The following TJP1 variants were observed in gnomAD, a reference collection of about 807,000 sequenced individuals.
TJP1 encodes tight junction protein 1, also known as tight junction protein ZO-1.
Under a neutral mutation model 194.2 loss-of-function variants are expected in TJP1, and 43 were observed. That is an observed-to-expected ratio of 0.22 (90% CI 0.17 to 0.29). The LOEUF is 0.29. Ranked by LOEUF, TJP1 falls within the 10% of genes least tolerant of loss-of-function variation. The probability of loss-of-function intolerance (pLI) is 1.00; values close to 1 mark genes in which losing one functional copy is unlikely to be tolerated. For missense variants in TJP1, 1,971 were observed against 2,185.7 expected, an observed-to-expected ratio of 0.90 and a Z score of 1.96; for synonymous variants, 801 against 779.0, an observed-to-expected ratio of 1.03 and a Z score of -0.47.
intron 8 of TJP1, among the ~76,000 whole-genome samples, chr15:29,748,193 T>C (rs1437229941): frequency 6.6e-6 from 1 of 152,224 alleles, no homozygotes; most frequent in East Asian, 1.9e-4. Flanking sequence ...ACTCAATGTA[T>C]CTAAAGTAGT....
intron 2 of TJP1, among the ~76,000 whole-genome samples, chr15:29,856,270 T>C (rs2051847595): frequency 6.6e-6 from 1 of 152,180 alleles, no homozygotes. Flanking sequence ...CTTTCCTCTT[T>C]ACTTCTACAG....
chr15:29,797,752 A>G (rs1324518995), intron 2 of TJP1, among the ~76,000 whole-genome samples: 2 of 152,158 alleles, frequency 1.3e-5, no homozygotes, highest in East Asian at 3.9e-4. Flanking sequence ...AACAACTAAA[A>G]AACAAGCAAC....
chr15:29,928,339 A>C (rs544976990), intron 2 of TJP1, among the ~76,000 whole-genome samples: 1 of 152,258 alleles, frequency 6.6e-6, no homozygotes, highest in South Asian at 2.1e-4. Flanking sequence ...CTACTAGTAC[A>C]TCCCAACTAT....
chr15:29,780,838 A>G (rs2047326235), intron 2 of TJP1, among the ~76,000 whole-genome samples: 1 of 152,178 alleles, frequency 6.6e-6, no homozygotes, highest in African/African-American at 2.4e-5. Context: ...AGAAAAAGTA[A>G]AAAAGAAATC....
chr15:29,726,474 T>C lies in TJP1; in HGVS notation c.2317A>G (p.Ile773Val), dbSNP rs768255801. The change falls in exon 18 of 28, where the codon ATT becomes GTT. Residue 773 changes from isoleucine to valine, a missense_variant. Coordinates refer to ENST00000614355, the MANE Select transcript of TJP1 (RefSeq NM_001330239.4). Reference protein sequence around the residue: ...KNNHHLFTTTINLNSMNDGWY... With the variant: ...KNNHHLFTTTVNLNSMNDGWY... ...CCATCATTCATTGAATTTAAGTTAA[T>C]TGTAGCTGAAAATAAATTAACGATG... 3.7e-6 allele frequency: 6 copies of C among 1,613,802 alleles called. No individual in the cohort carries two copies. The highest frequency in any genetic ancestry group is 1.3e-5 in the African/African-American group (1 of 74,934).
intron 2 of TJP1, among the ~76,000 whole-genome samples, chr15:29,840,418 G>A (rs559449359): frequency 6.6e-5 from 10 of 152,042 alleles, no homozygotes; most frequent in Non-Finnish European, 1.3e-4. Context: ...TAAGTTAAAC[G>A]TCTCTTTCTC....
intron 2 of TJP1, among the ~76,000 whole-genome samples, chr15:29,835,897 G>C (rs985385601): frequency 1.7e-4 from 26 of 152,176 alleles, no homozygotes; most frequent in Admixed American, 1.5e-3. Context: ...GAAAGAGAGA[G>C]AGAGAGAGAC....
intron 2 of TJP1, among the ~76,000 whole-genome samples, chr15:29,830,450 A>T (rs1489256663): frequency 6.6e-6 from 1 of 150,466 alleles, no homozygotes; most frequent in Non-Finnish European, 1.5e-5. Context: ...TACTATGTAT[A>T]TAATAGTTTT....
In TJP1 at chr15:29,914,235, G is replaced by A. The variant is rs147203162; in HGVS notation, c.306+41997C>T. 1.4e-3 allele frequency among the ~76,000 whole-genome samples: 209 copies of A among 152,236 alleles called. 4 individuals carry two copies. The East Asian group carries it at 0.03, about 22-fold the overall frequency. On this transcript the variant is annotated intron_variant, in intron 2 of 28. Transcript: ENST00000356107. ...TTAAATAAATATAGTTTCTTCCCTGGTGTTTTCATACATCATGGAGCAAAT... is the reference window on the plus strand; with the variant it reads ...TTAAATAAATATAGTTTCTTCCCTGATGTTTTCATACATCATGGAGCAAAT...
intron 2 of TJP1, among the ~76,000 whole-genome samples, chr15:29,888,705 C>T (rs2053205635): frequency 6.6e-6 from 1 of 152,170 alleles, no homozygotes; most frequent in South Asian, 2.1e-4. Context: ...ACATCCTGAA[C>T]CTACATTCTC....
At chr15:29,726,321 C>G in intron 18 of TJP1, 58 bp downstream of exon 18, 1 of 1,392,628 alleles carries the variant, frequency 7.2e-7, no homozygotes, top group Non-Finnish European at 1.0e-6. Context: ...TCAAAAGCAT[C>G]TCTGATTAGT....
chr15:29,952,022 T>C (rs553153010), intron 2 of TJP1, among the ~76,000 whole-genome samples: 29 of 152,344 alleles, frequency 1.9e-4, no homozygotes, highest in South Asian at 8.3e-4. Flanking sequence ...TCTTTGACTA[T>C]ACACTTAGAA....
At chr15:29,949,233 C>T (rs1320852331) in intron 2 of TJP1, among the ~76,000 whole-genome samples, 1 of 101,664 alleles carries the variant, frequency 9.8e-6, no homozygotes, top group Non-Finnish European at 1.9e-5. Flanking sequence ...TTCACCACCA[C>T]TACCTCCACC....
intron 2 of TJP1, among the ~76,000 whole-genome samples, chr15:29,912,252 A>G (rs1262806137): frequency 6.6e-6 from 1 of 152,238 alleles, no homozygotes; most frequent in East Asian, 1.9e-4. Flanking sequence ...CTACCGCCTA[A>G]TACCATGGCA....
rs545554372 is a variant in TJP1 at position 29,707,542 on chromosome 15, C to T, written c.4850+1017G>A. On this transcript the variant is annotated intron_variant, in intron 25 of 27. Coordinates refer to ENST00000614355, the MANE Select transcript of TJP1 (RefSeq NM_001330239.4). Reference sequence around the variant, plus strand: ...AAGCAGACTCAGGTGGCCATCCTGACCTTTGGTTCTCCCTGCCTGCAAGTG... The same window carrying T: ...AAGCAGACTCAGGTGGCCATCCTGATCTTTGGTTCTCCCTGCCTGCAAGTG... 3.7e-4 allele frequency among the ~76,000 whole-genome samples: 56 copies of T among 152,240 alleles called. 1 individual carries two copies. The South Asian group carries it at 0.011, about 29-fold the overall frequency.
At position 29,720,555 on chromosome 15, in the gene TJP1, G is replaced by T. The variant is rs772011543; in HGVS notation, c.2566C>A (p.Gln856Lys). The T allele has an allele frequency of 1.9e-6, 3 of 1,614,108 alleles. No homozygotes were observed. Among genetic ancestry groups the T allele is most frequent in the East Asian group, 2.2e-5 (1 of 44,860 alleles). The change falls in exon 19 of 28, where the codon CAA becomes AAA. Residue 856 changes from glutamine to lysine, a missense_variant. Coordinates refer to ENST00000614355, the MANE Select transcript of TJP1 (RefSeq NM_001330239.4). ...TDTEGGAYTDQELDETLNDEV... is the reference protein window; with the variant it reads ...TDTEGGAYTDKELDETLNDEV... ...TCATTAAGAGTTTCATCTAGTTCTTGATCAGTGTAGGCCCCGCCTTCTGTG... is the reference window on the plus strand; with the variant it reads ...TCATTAAGAGTTTCATCTAGTTCTTTATCAGTGTAGGCCCCGCCTTCTGTG...
At chr15:29,860,395 C>T (rs2052030946) in intron 2 of TJP1, among the ~76,000 whole-genome samples, 2 of 152,172 alleles carry the variant, frequency 1.3e-5, no homozygotes, top group Admixed American at 6.5e-5. Flanking sequence ...TACTTAAAAA[C>T]CCAGAAGACA....
intron 2 of TJP1, among the ~76,000 whole-genome samples, chr15:29,796,730 T>A (rs2048438317): frequency 6.6e-6 from 1 of 152,190 alleles, no homozygotes; most frequent in Non-Finnish European, 1.5e-5. Context: ...AAAATAATTT[T>A]AAAAAGTATT....
At chr15:29,963,553 A>G (rs2056233263) in intron 1 of TJP1, among the ~76,000 whole-genome samples, 1 of 152,234 alleles carries the variant, frequency 6.6e-6, no homozygotes, top group Non-Finnish European at 1.5e-5. Flanking sequence ...ATATACTGAT[A>G]GTGCATGGCC....
Sources: gnomAD v4.1 joint callset for allele counts (sites outside exome capture counted in the v4.1 genomes callset) on GRCh38, gnomAD v4.1.1 for gene constraint, MANE v1.5 for transcripts, NCBI Gene and HGNC (gene_info 2026-07-23, HGNC 2026-07-21) for gene names.